The following SDK1 variants were observed in gnomAD, a reference collection of about 807,000 sequenced individuals.
SDK1 encodes sidekick cell adhesion molecule 1, also known as protein sidekick-1.
In SDK1, 157 loss-of-function variants were observed where a neutral mutation model predicts 245.5. That is an observed-to-expected ratio of 0.64 (90% CI 0.56 to 0.73). SDK1 has a LOEUF of 0.73. Among genes scored for constraint, SDK1 ranks in the 30% least tolerant of loss-of-function variants. SDK1 has a pLI of 0.00. For synonymous variants in SDK1, 1,647 were observed against 1,278.5 expected, an observed-to-expected ratio of 1.29 and a Z score of -6.15; for missense variants, 3,583 against 3,002.3, an observed-to-expected ratio of 1.19 and a Z score of -4.52.
intron 31 of SDK1, among the ~76,000 whole-genome samples, chr7:4,160,059 G>A (rs971529995): frequency 2.6e-5 from 4 of 152,192 alleles, no homozygotes; most frequent in Admixed American, 1.3e-4. Flanking sequence ...CAAACCTGGA[G>A]GCAAAAGCTA....
chr7:3,543,471 G>C (rs548399238), intron 1 of SDK1, among the ~76,000 whole-genome samples: 1 of 152,346 alleles, frequency 6.6e-6, no homozygotes, highest in African/African-American at 2.4e-5. Flanking sequence ...GTGAGTGGGA[G>C]AGACTGCCTT....
At chr7:3,632,437 C>T (rs1211283842) in intron 2 of SDK1, among the ~76,000 whole-genome samples, 3 of 152,070 alleles carry the variant, frequency 2.0e-5, no homozygotes, top group East Asian at 1.9e-4. Context: ...TAAATGTAGT[C>T]ATTCATGGTA....
rs149126242 is a variant in SDK1 at position 3,714,445 on chromosome 7, C to T, written c.713+72340C>T. ...CCTGTTTAAATATGAACTAGTTATT[C>T]GCCCTTCCAGAGTCTCAGTTTCCTC... is the stretch of plus-strand genomic sequence containing the variant. On this transcript the variant is annotated intron_variant, in intron 4 of 44. Coordinates refer to ENST00000404826, the MANE Select transcript of SDK1 (RefSeq NM_152744.4). 1.1e-3 allele frequency among the ~76,000 whole-genome samples: 160 copies of T among 152,242 alleles called. 1 individual carries two copies. The highest frequency in any genetic ancestry group is 3.7e-3 in the African/African-American group (154 of 41,544).
At chr7:3,530,429 A>C (rs950838681) in intron 1 of SDK1, among the ~76,000 whole-genome samples, 2 of 152,210 alleles carry the variant, frequency 1.3e-5, no homozygotes, top group African/African-American at 4.8e-5. Context: ...ACTAAAGGAA[A>C]ATTTGTCTTT....
rs1479878664 is a variant in SDK1 at position 4,139,675 on chromosome 7, ATATG to A, written c.4229-6045_4229-6042del. ...TGTGTGTGTGTATATGTGTGTGTGT[ATATG>A]TGTGTGTGTGTATGTGTGTGTGTGT... On this transcript the variant is annotated intron_variant, in intron 28 of 44. Transcript: ENST00000404826. Among the ~76,000 whole-genome samples the A allele has an allele frequency of 3.1e-3, 54 of 17,564 alleles. 8 individuals carry two copies. Among genetic ancestry groups the A allele is most frequent in the African/African-American group, 0.01 (37 of 3,542 alleles). The allele number at this position is 17,564 out of a possible 152,430, so 11.5% of individuals were successfully genotyped here.
At chr7:4,167,922 C>T (rs1781593367) in intron 32 of SDK1, among the ~76,000 whole-genome samples, 1 of 152,248 alleles carries the variant, frequency 6.6e-6, no homozygotes, top group Non-Finnish European at 1.5e-5. Flanking sequence ...CGACCCAAAT[C>T]TAGAGCCTGA....
chr7:3,340,104 T>A (rs1780306533), intron 1 of SDK1, among the ~76,000 whole-genome samples: 2 of 150,210 alleles, frequency 1.3e-5, no homozygotes, highest in African/African-American at 5.0e-5. Flanking sequence ...GAAATATCTT[T>A]AGTTTTAATT....
intron 1 of SDK1, among the ~76,000 whole-genome samples, chr7:3,580,883 G>A (rs771069648): frequency 1.0e-4 from 15 of 145,838 alleles, no homozygotes; most frequent in African/African-American, 2.5e-4. Context: ...CAGGAGAATC[G>A]CTTGAACTGA....
At chr7:3,727,132 A>AAGGG (rs1779035319) in intron 4 of SDK1, among the ~76,000 whole-genome samples, 1 of 152,208 alleles carries the variant, frequency 6.6e-6, no homozygotes, top group Admixed American at 6.5e-5. Context: ...CCCTCTTTTG[A>AAGGG]AGGGACTGAT....
intron 20 of SDK1, among the ~76,000 whole-genome samples, chr7:4,074,909 T>TATATATATAC (rs1780551722): frequency 1.1e-5 from 1 of 87,560 alleles, no homozygotes; most frequent in Non-Finnish European, 2.1e-5. Context: ...TATATATATA[T>TATATATATAC]ATATATATTT....
At chr7:4,182,179 A>G (rs1782639673) in intron 35 of SDK1, among the ~76,000 whole-genome samples, 2 of 152,140 alleles carry the variant, frequency 1.3e-5, no homozygotes, top group Admixed American at 1.3e-4. Context: ...TTGGCCTCCC[A>G]AAGTGCCATT....
intron 4 of SDK1, among the ~76,000 whole-genome samples, chr7:3,647,244 C>G (rs1782877016): frequency 6.6e-6 from 1 of 152,078 alleles, no homozygotes; most frequent in Non-Finnish European, 1.5e-5. Flanking sequence ...AAGTGAGACC[C>G]TCTCTCTATT....
intron 4 of SDK1, among the ~76,000 whole-genome samples, chr7:3,773,827 A>G (rs201025550): frequency 9.9e-5 from 15 of 152,180 alleles, no homozygotes; most frequent in Non-Finnish European, 1.9e-4. Context: ...GGCACTTCCT[A>G]ATTTTCCTCA....
chr7:3,872,629 A>G (rs890479110), intron 5 of SDK1, among the ~76,000 whole-genome samples: 9 of 145,072 alleles, frequency 6.2e-5, no homozygotes, highest in Non-Finnish European at 1.2e-4. Flanking sequence ...ACCATATTCC[A>G]CTCGAATATT....
intron 5 of SDK1, among the ~76,000 whole-genome samples, chr7:3,848,884 C>G (rs572789326): frequency 7.9e-5 from 12 of 152,282 alleles, no homozygotes; most frequent in African/African-American, 2.9e-4. Flanking sequence ...GTTGACCAGG[C>G]TGGTCTCGAA....
chr7:4,111,594 AACAGACAAATCAGG>A (rs879368489), intron 23 of SDK1, among the ~76,000 whole-genome samples: 3 of 152,200 alleles, frequency 2.0e-5, no homozygotes, highest in Admixed American at 2.0e-4. Context: ...AGGAGCTTAG[AACAGACAAATCAGG>A]ACACAATACA....
intron 10 of SDK1, among the ~76,000 whole-genome samples, chr7:3,968,157 C>T (rs566700501): frequency 6.6e-6 from 1 of 152,206 alleles, no homozygotes; most frequent in Non-Finnish European, 1.5e-5. Flanking sequence ...AGGATCACGG[C>T]CTTTGTTTTG....
chr7:3,834,870 C>G (rs1779995200), intron 5 of SDK1, among the ~76,000 whole-genome samples: 1 of 152,102 alleles, frequency 6.6e-6, no homozygotes, highest in African/African-American at 2.4e-5. Context: ...CTTTCCTGGT[C>G]CCCTCTCCGT....
At chr7:3,621,826 C>G (rs182471591) in intron 2 of SDK1, among the ~76,000 whole-genome samples, 1 of 152,210 alleles carries the variant, frequency 6.6e-6, no homozygotes, top group African/African-American at 2.4e-5. Context: ...TAATATGGGT[C>G]TCAAACTATT....
Sources: allele counts gnomAD v4.1 joint callset (sites outside exome capture counted in the v4.1 genomes callset), GRCh38; gene constraint gnomAD v4.1.1; transcripts MANE v1.5; gene names NCBI Gene and HGNC (gene_info 2026-07-23, HGNC 2026-07-21).